LATS2: variants seen among roughly 807,000 people sequenced by gnomAD.
The protein encoded by LATS2 is large tumor suppressor kinase 2, also known as serine/threonine-protein kinase LATS2.
Under a neutral mutation model 76.0 loss-of-function variants are expected in LATS2, and 24 were observed. That is an observed-to-expected ratio of 0.32 (90% CI 0.23 to 0.44). LATS2 has a LOEUF of 0.44. Among genes scored for constraint, LATS2 ranks in the 20% least tolerant of loss-of-function variants. The probability of loss-of-function intolerance (pLI) is 1.00; values close to 1 mark genes in which losing one functional copy is unlikely to be tolerated. For missense variants in LATS2, 1,286 were observed against 1,481.2 expected, an observed-to-expected ratio of 0.87 and a Z score of 2.16; for synonymous variants, 692 against 635.4, an observed-to-expected ratio of 1.09 and a Z score of -1.34.
intron 3 of LATS2, 115 bp from the exon 4 acceptor site, chr13:20,989,419 T>G: frequency 6.3e-6 from 7 of 1,110,202 alleles, no homozygotes; most frequent in Non-Finnish European, 9.1e-6. Context: ...TCTTGAACCC[T>G]GGGCCCTGAC....
At chr13:20,976,534 C>T (rs560918537) in intron 7 of LATS2, among the ~76,000 whole-genome samples, 16 of 152,238 alleles carry the variant, frequency 1.1e-4, no homozygotes, top group African/African-American at 2.2e-4. Context: ...GATTTCAAAA[C>T]ATGTATTTGA....
At chr13:21,042,097 T>C (rs1872898833) in intron 2 of LATS2, among the ~76,000 whole-genome samples, 1 of 152,198 alleles carries the variant, frequency 6.6e-6, no homozygotes, top group Admixed American at 6.5e-5. Flanking sequence ...TAAATCTATA[T>C]TTAAAGAGCA....
intron 1 of LATS2, among the ~76,000 whole-genome samples, chr13:21,056,641 A>C (rs1190206559): frequency 6.6e-6 from 1 of 152,072 alleles, no homozygotes; most frequent in Non-Finnish European, 1.5e-5. Context: ...CCTCCTCTGC[A>C]CCCCTCCAAG....
At chr13:21,000,107 C>G (rs1023736467) in intron 2 of LATS2, among the ~76,000 whole-genome samples, 27 of 152,268 alleles carry the variant, frequency 1.8e-4, no homozygotes, top group African/African-American at 6.3e-4. Flanking sequence ...ATAGGCCGGG[C>G]GTGGTGGCTC....
chr13:20,983,035 TA>T (rs372186448), intron 5 of LATS2, among the ~76,000 whole-genome samples, 188 bp downstream of exon 5: 4 of 147,136 alleles, frequency 2.7e-5, no homozygotes, highest in Non-Finnish European at 3.0e-5. Flanking sequence ...TCCACTACCT[TA>T]AAAAAAAATG....
Position 20,974,137 on chromosome 13 carries a change from A to G in LATS2, c.*733T>C, listed in dbSNP as rs1869473366. On this transcript the variant is annotated 3_prime_UTR_variant, in exon 8 of 8. Transcript: ENST00000382592. ...TGTCTAGAACACCTCATTTAAAGACACTCAGTAAAAACGTATTCACAGGAC... is the reference window on the plus strand; with the variant it reads ...TGTCTAGAACACCTCATTTAAAGACGCTCAGTAAAAACGTATTCACAGGAC... 4.4e-6 allele frequency: 1 copy of G among 228,520 alleles called. No individual in the cohort carries two copies. The highest frequency in any genetic ancestry group is 2.2e-5 in the African/African-American group (1 of 44,996). The allele number at this position is 228,520 out of a possible 1,614,324, so 14.2% of individuals were successfully genotyped here. A position where few individuals can be genotyped will look rare whatever the true frequency, so the allele number is the denominator to read the frequency against.
chr13:21,034,000 A>G (rs1374356548), intron 2 of LATS2, among the ~76,000 whole-genome samples: 1 of 152,126 alleles, frequency 6.6e-6, no homozygotes, highest in Non-Finnish European at 1.5e-5. Context: ...TGGTAGGACA[A>G]CGATCTTATT....
chr13:21,025,981 C>T (rs1406720637), intron 2 of LATS2, among the ~76,000 whole-genome samples: 1 of 152,142 alleles, frequency 6.6e-6, no homozygotes, highest in East Asian at 1.9e-4. Flanking sequence ...TGATGTTTTG[C>T]AAGAGACTCT....
rs45510199 is a variant in LATS2, at chr13:20,975,023, G to T, written c.3114C>A (p.Tyr1038Ter). The change falls in exon 8 of 8, where the codon TAC (tyrosine) becomes TAA (stop). Residue 1038 changes from tyrosine (Y) to a stop codon, truncating the protein, a stop_gained. Coordinates refer to ENST00000382592, the MANE Select transcript of LATS2 (RefSeq NM_014572.3). LOFTEE classifies it low-confidence loss of function (END_TRUNC). ...PNNKHPEHAF[Y>*]EFTFRRFFDD... ...CAAAGAACCTTCGGAAGGTGAATTCGTAAAATGCGTGCTCAGGATGCTTGT... is the reference window on the plus strand; with the variant it reads ...CAAAGAACCTTCGGAAGGTGAATTCTTAAAATGCGTGCTCAGGATGCTTGT... 6.2e-7 allele frequency: 1 copy of T among 1,614,248 alleles called. No homozygotes were observed. Among genetic ancestry groups the T allele is most frequent in the Admixed American group, 1.7e-5 (1 of 60,032 alleles).
rs1870289635 is a variant in LATS2, at chr13:20,988,388, G to C, written c.1392C>G (p.Ala464=). The C allele has an allele frequency of 5.1e-6, 7 of 1,377,750 alleles. No individual in the cohort carries two copies. Among genetic ancestry groups the C allele is most frequent in the Non-Finnish European group, 6.5e-6 (7 of 1,075,742 alleles). The allele number at this position is 1,377,750 out of a possible 1,614,324, so 85.3% of individuals were successfully genotyped here. A position where few individuals can be genotyped will look rare whatever the true frequency, so the allele number is the denominator to read the frequency against. The change falls in exon 4 of 8, where the codon GCC becomes GCG. Residue 464 remains alanine, a synonymous_variant. Transcript: ENST00000382592. ...PQTAVGPSHP[A]WVPAPAPAPA... ...GGGCCGGGGCAGGCGCGGGCACCCAGGCGGGGTGCGAGGGCCCCACAGCCG... is the reference window on the plus strand; with the variant it reads ...GGGCCGGGGCAGGCGCGGGCACCCACGCGGGGTGCGAGGGCCCCACAGCCG...
chr13:20,976,094 T>G (rs1315031459), intron 7 of LATS2, among the ~76,000 whole-genome samples: 1 of 152,198 alleles, frequency 6.6e-6, no homozygotes, highest in African/African-American at 2.4e-5. Context: ...CCTTACATGC[T>G]CAACTGCACA....
At chr13:21,022,191 T>C (rs1260089231) in intron 2 of LATS2, among the ~76,000 whole-genome samples, 1 of 152,174 alleles carries the variant, frequency 6.6e-6, no homozygotes, top group African/African-American at 2.4e-5. Flanking sequence ...CATGTGTACA[T>C]GTGTGCAACT....
chr13:21,013,197 G>C (rs549317024), intron 2 of LATS2, among the ~76,000 whole-genome samples: 2 of 152,136 alleles, frequency 1.3e-5, no homozygotes, highest in African/African-American at 4.8e-5. Context: ...AGGTGAGTTA[G>C]GCCCATCCGC....
chr13:21,043,523 A>G (rs969604966), intron 2 of LATS2, among the ~76,000 whole-genome samples: 2 of 152,110 alleles, frequency 1.3e-5, no homozygotes, highest in African/African-American at 4.8e-5. Flanking sequence ...GTTGGAGGGG[A>G]AAGGTGGAGG....
intron 7 of LATS2, among the ~76,000 whole-genome samples, chr13:20,976,589 A>G (rs1455618543): frequency 6.6e-6 from 1 of 152,206 alleles, no homozygotes; most frequent in Admixed American, 6.5e-5. Context: ...CTACAACTCA[A>G]CAACAATAAC....
At position 21,010,824 on chromosome 13, in the gene LATS2, T is replaced by G. The variant is rs143027949; in HGVS notation, c.343-19420A>C. Among the ~76,000 whole-genome samples, 42 of 152,372 alleles carry G rather than the reference T, an allele frequency of 2.8e-4. No individual in the cohort carries two copies. In the South Asian group the frequency reaches 8.5e-3, roughly 31 times the overall value. Reference sequence around the variant, plus strand: ...TGAACCAATCATAAGGTCTGACTTATGTTGACCAATCAGAGCTCAGCAAAC... The same window carrying G: ...TGAACCAATCATAAGGTCTGACTTAGGTTGACCAATCAGAGCTCAGCAAAC... On this transcript the variant is annotated intron_variant, in intron 2 of 7. Coordinates refer to ENST00000382592, the MANE Select transcript of LATS2 (RefSeq NM_014572.3).
At chr13:21,013,123 G>A (rs1052026586) in intron 2 of LATS2, among the ~76,000 whole-genome samples, 2 of 152,096 alleles carry the variant, frequency 1.3e-5, no homozygotes, top group Admixed American at 6.5e-5. Flanking sequence ...TGTGCTCATG[G>A]GCATGCCACC....
chr13:20,986,391 A>C (rs1383020682), intron 4 of LATS2, among the ~76,000 whole-genome samples: 1 of 152,246 alleles, frequency 6.6e-6, no homozygotes, highest in Admixed American at 6.5e-5. Context: ...ACTGATGAAC[A>C]GATAAAGAAA....
In LATS2 at chr13:20,979,786, G is replaced by T; in HGVS notation, c.2677C>A (p.Leu893Ile). ...EVLLRKGYTQ[L>I]CDWWSVGVIL... ...ACTCCAACACTCCACCAGTCACAGAGTTGAGTGTACCCTGCAAGACAAAGT... is the reference window on the plus strand; with the variant it reads ...ACTCCAACACTCCACCAGTCACAGATTTGAGTGTACCCTGCAAGACAAAGT... Residue 893 changes from leucine (L) to isoleucine (I), a missense_variant, in exon 7 of 8, where the codon CTC becomes ATC. By Grantham distance (5) the Leu-to-Ile change is conservative. Transcript: ENST00000382592. 6.2e-7 allele frequency: 1 copy of T among 1,604,890 alleles called. No individual in the cohort carries two copies. The highest frequency in any genetic ancestry group is 8.5e-7 in the Non-Finnish European group (1 of 1,172,174).
Sources: allele counts gnomAD v4.1 joint callset (sites outside exome capture counted in the v4.1 genomes callset), GRCh38; gene constraint gnomAD v4.1.1; transcripts MANE v1.5; gene names NCBI Gene and HGNC (gene_info 2026-07-23, HGNC 2026-07-21).